Variants in ERC2 observed in about 807,000 individuals in gnomAD.
The protein encoded by ERC2 is ELKS/RAB6-interacting/CAST family member 2, also known as ERC protein 2.
In ERC2, 42 loss-of-function variants were observed where a neutral mutation model predicts 114.8. That is an observed-to-expected ratio of 0.37 (90% CI 0.29 to 0.47). ERC2 has a LOEUF of 0.47. Among genes scored for constraint, ERC2 ranks in the 20% least tolerant of loss-of-function variants. The pLI is 0.99. For synonymous variants in ERC2, 454 were observed against 425.5 expected (o/e 1.07, Z -0.82); for missense variants, 939 against 1,150.7 (o/e 0.82, Z 2.66).
intron 3 of ERC2, among the ~76,000 whole-genome samples, chr3:56,246,093 T>TAAAA (rs34868223): frequency 2.4e-5 from 3 of 127,626 alleles, no homozygotes; most frequent in Non-Finnish European, 1.7e-5. Context: ...TCAGATTCTT[T>TAAAA]AAAAAAAAAA....
intron 1 of ERC2, among the ~76,000 whole-genome samples, chr3:56,450,355 A>G (rs2062774598): frequency 2.0e-5 from 3 of 152,274 alleles, no homozygotes; most frequent in Admixed American, 2.0e-4. Context: ...CTACAAGGCA[A>G]GGGCTCTGCA....
At chr3:56,305,647 G>A (rs555251078) in intron 2 of ERC2, among the ~76,000 whole-genome samples, 22 of 152,222 alleles carry the variant, frequency 1.4e-4, no homozygotes, top group African/African-American at 4.8e-4. Flanking sequence ...CACAGCTGCT[G>A]CACGTAAACT....
intron 2 of ERC2, among the ~76,000 whole-genome samples, chr3:56,351,952 A>G (rs4591474): frequency 0.94 from 143,524 of 152,246 alleles, 67,846 homozygotes; most frequent in East Asian, 1. Context: ...CATGAGATAC[A>G]GGGAGTAGAG....
intron 3 of ERC2, among the ~76,000 whole-genome samples, chr3:56,236,273 G>C (rs4974126): frequency 7.2e-6 from 1 of 139,650 alleles, no homozygotes; most frequent in Non-Finnish European, 1.6e-5. Context: ...ATAACATTTC[G>C]ATACATTTTT....
At chr3:56,093,448 T>A (rs557634341) in intron 6 of ERC2, among the ~76,000 whole-genome samples, 5 of 152,112 alleles carry the variant, frequency 3.3e-5, no homozygotes, top group Non-Finnish European at 7.3e-5. Context: ...ATGCTAACCA[T>A]GAAAACCAGG....
chr3:55,648,886 G>C (rs548971859), intron 17 of ERC2, among the ~76,000 whole-genome samples: 4 of 152,122 alleles, frequency 2.6e-5, no homozygotes, highest in Admixed American at 2.6e-4. Flanking sequence ...TGACAAGGGG[G>C]AGCGGCAGAG....
chr3:56,322,290 A>T lies in ERC2; in HGVS notation c.658-25855T>A, dbSNP rs146019461. Among the ~76,000 whole-genome samples the T allele has an allele frequency of 2.6e-3, 389 of 152,320 alleles. 3 individuals carry two copies. The highest frequency in any genetic ancestry group is 9.1e-3 in the African/African-American group (377 of 41,562). ...AGTGGGCTTTTTGTTTGCAAAGAAG[A>T]GTGTTTGCAAAGAAGGCTGCAAATT... On this transcript the variant is annotated intron_variant, in intron 2 of 17. Coordinates refer to ENST00000288221, the MANE Select transcript of ERC2 (RefSeq NM_015576.3).
At chr3:55,595,977 G>A (rs1343933092) in intron 17 of ERC2, among the ~76,000 whole-genome samples, 2 of 152,208 alleles carry the variant, frequency 1.3e-5, no homozygotes, top group African/African-American at 2.4e-5. Flanking sequence ...CCACTGGGGA[G>A]TGAGGATACT....
Position 55,772,027 on chromosome 3 carries a change from C to T in ERC2, c.2565-37109G>A, listed in dbSNP as rs914120367. On this transcript the variant is annotated intron_variant, in intron 14 of 17. Transcript: ENST00000288221. The stretch of plus-strand genomic sequence containing the variant: ...AAGGCCTCACGTCTGTGGGCCTCTC[C>T]GCCCATCAGGACTGTTGTGAGTATT... 9.9e-5 allele frequency among the ~76,000 whole-genome samples: 15 copies of T among 152,268 alleles called. No individual in the cohort carries two copies. The East Asian group carries it at 1.4e-3, about 14-fold the overall frequency.
intron 14 of ERC2, among the ~76,000 whole-genome samples, chr3:55,819,114 C>CATCTTTTG (rs2060016209): frequency 6.6e-6 from 1 of 152,198 alleles, no homozygotes; most frequent in South Asian, 2.1e-4. Flanking sequence ...TTCAAATAAA[C>CATCTTTTG]ATCTTTTGGT....
chr3:55,782,742 C>T (rs1460294069), intron 14 of ERC2, among the ~76,000 whole-genome samples: 1 of 152,188 alleles, frequency 6.6e-6, no homozygotes, highest in African/African-American at 2.4e-5. Flanking sequence ...CCTTTTCCTA[C>T]CCTCTGTAAG....
chr3:56,027,117 T>G (rs753495474), intron 7 of ERC2, among the ~76,000 whole-genome samples: 1 of 152,258 alleles, frequency 6.6e-6, no homozygotes, highest in Non-Finnish European at 1.5e-5. Context: ...TCTCTGAAGA[T>G]CCATCAAAGT....
intron 6 of ERC2, among the ~76,000 whole-genome samples, chr3:56,099,328 G>A (rs930809271): frequency 6.6e-6 from 1 of 152,156 alleles, no homozygotes; most frequent in Non-Finnish European, 1.5e-5. Flanking sequence ...GTGGTAATTT[G>A]TTATGGCTGT....
At chr3:55,687,054 G>A (rs929985032) in intron 16 of ERC2, among the ~76,000 whole-genome samples, 1 of 152,130 alleles carries the variant, frequency 6.6e-6, no homozygotes, top group African/African-American at 2.4e-5. Context: ...CAGACAAGGG[G>A]GTCTTGATGG....
chr3:55,551,655 T>C (rs2055217234), intron 17 of ERC2, among the ~76,000 whole-genome samples: 2 of 152,182 alleles, frequency 1.3e-5, no homozygotes, highest in Admixed American at 6.5e-5. Flanking sequence ...TCAAAGGCAG[T>C]CCACTGGCAG....
chr3:56,366,747 G>A (rs556025222), intron 2 of ERC2, among the ~76,000 whole-genome samples: 150 of 152,288 alleles, frequency 9.8e-4, no homozygotes, highest in African/African-American at 3.5e-3. Flanking sequence ...ACAGGCACAG[G>A]CCCTATAAGC....
chr3:56,363,509 G>A (rs1296042979), intron 2 of ERC2, among the ~76,000 whole-genome samples: 1 of 152,158 alleles, frequency 6.6e-6, no homozygotes, highest in Non-Finnish European at 1.5e-5. Flanking sequence ...TTTATACAGT[G>A]AGAAGCAGAA....
chr3:55,808,757 CAT>C (rs59418105), intron 14 of ERC2, among the ~76,000 whole-genome samples: 4,264 of 96,938 alleles, frequency 0.044, 306 homozygotes, highest in African/African-American at 0.15. Context: ...TATAACTAAA[CAT>C]ATATATATAT....
chr3:55,734,961 A>G (rs1392025474), intron 14 of ERC2, 43 bp from the exon 15 acceptor site: 2 of 1,487,308 alleles, frequency 1.3e-6, no homozygotes, highest in East Asian at 4.9e-5. Context: ...GTAAAATAAA[A>G]AAAAAAACAA....
Sources: gnomAD v4.1 joint callset for allele counts (sites outside exome capture counted in the v4.1 genomes callset) on GRCh38, gnomAD v4.1.1 for gene constraint, MANE v1.5 for transcripts, NCBI Gene and HGNC (gene_info 2026-07-23, HGNC 2026-07-21) for gene names.